The following GMDS variants were observed in gnomAD, a reference collection of about 807,000 sequenced individuals.
GMDS encodes the protein GDP-mannose 4,6-dehydratase, also known as GDP-mannose 4,6 dehydratase.
In GMDS, 20 loss-of-function variants were observed where a neutral mutation model predicts 49.9. That is an observed-to-expected ratio of 0.40 (90% CI 0.28 to 0.58). The LOEUF (loss-of-function observed/expected upper bound fraction) is 0.58. Among genes scored for constraint, GMDS ranks in the 20% least tolerant of loss-of-function variants. GMDS has a pLI of 0.42. For missense variants in GMDS, 362 were observed against 481.4 expected (o/e 0.75, Z 2.32); for synonymous variants, 177 against 178.6 (o/e 0.99, Z 0.07).
At chr6:2,087,167 G>T (rs1773062422) in intron 4 of GMDS, among the ~76,000 whole-genome samples, 1 of 152,146 alleles carries the variant, frequency 6.6e-6, no homozygotes, top group Non-Finnish European at 1.5e-5. Flanking sequence ...TTGCTTTGGG[G>T]ATCCTCAGAA....
At chr6:1,738,608 A>G (rs1275144047) in intron 8 of GMDS, among the ~76,000 whole-genome samples, 3 of 152,232 alleles carry the variant, frequency 2.0e-5, no homozygotes. Context: ...GGTGTGTCTG[A>G]TACGGTACAG....
At chr6:2,015,495 G>T (rs1416336828) in intron 4 of GMDS, among the ~76,000 whole-genome samples, 1 of 152,096 alleles carries the variant, frequency 6.6e-6, no homozygotes, top group Non-Finnish European at 1.5e-5. Context: ...AATGTGTGGG[G>T]TGCAGGAAAA....
intron 4 of GMDS, among the ~76,000 whole-genome samples, chr6:2,037,517 G>A (rs1488806662): frequency 3.9e-5 from 6 of 152,116 alleles, no homozygotes; most frequent in Non-Finnish European, 5.9e-5. Context: ...AGAAAACTCT[G>A]GTTTGGTAAG....
intron 6 of GMDS, among the ~76,000 whole-genome samples, chr6:1,936,886 G>A (rs528241520): frequency 6.6e-6 from 1 of 150,488 alleles, no homozygotes; most frequent in Admixed American, 6.6e-5. Context: ...AAAATCATTT[G>A]AACCTGGGAG....
At chr6:2,027,174 A>G (rs1231913838) in intron 4 of GMDS, among the ~76,000 whole-genome samples, 1 of 152,170 alleles carries the variant, frequency 6.6e-6, no homozygotes, top group East Asian at 1.9e-4. Context: ...TTATGAAGCG[A>G]GGGAGAATGA....
At chr6:2,026,158 T>C (rs573280965) in intron 4 of GMDS, among the ~76,000 whole-genome samples, 2 of 152,000 alleles carry the variant, frequency 1.3e-5, no homozygotes, top group East Asian at 3.9e-4. Context: ...CAAAGGGAGG[T>C]CAAAGGCCAC....
intron 4 of GMDS, among the ~76,000 whole-genome samples, chr6:2,112,476 C>G (rs113180148): frequency 2.5e-3 from 385 of 152,266 alleles, no homozygotes; most frequent in Admixed American, 5.6e-3. Flanking sequence ...ACAGCATCAT[C>G]TGGACACACC....
At chr6:1,968,985 G>A (rs1303641629) in intron 4 of GMDS, among the ~76,000 whole-genome samples, 1 of 152,048 alleles carries the variant, frequency 6.6e-6, no homozygotes, top group Non-Finnish European at 1.5e-5. Context: ...AAATTGGCCT[G>A]GTGCGGTGGC....
Position 2,124,202 on chromosome 6 carries a change from G to A in GMDS, c.147+485C>T, listed in dbSNP as rs78882166. Among the ~76,000 whole-genome samples the A allele has an allele frequency of 2.3e-4, 35 of 152,194 alleles. No individual in the cohort carries two copies. In the East Asian group the frequency reaches 6.4e-3, roughly 28 times the overall value. ...AATGGTGAAGACAACGACAAAAGCA[G>A]CAAACCTAAAAGTTTCAGCTCCATA... On this transcript the variant is annotated intron_variant, in intron 2 of 10. Transcript: ENST00000380815.
rs1484536475 is a variant in GMDS, at chr6:1,973,415, G to C, written c.346-12449C>G. ...GTTGGCAGAGAGTGATAGCACAGGAGTGAATAAAGGGACTGATTATATGAG... is the reference window on the plus strand; with the variant it reads ...GTTGGCAGAGAGTGATAGCACAGGACTGAATAAAGGGACTGATTATATGAG... On this transcript the variant is annotated intron_variant, in intron 4 of 10. Transcript: ENST00000380815. 7.9e-5 allele frequency among the ~76,000 whole-genome samples: 12 copies of C among 152,310 alleles called. No homozygotes were observed. In the East Asian group the frequency reaches 1.9e-3, roughly 24 times the overall value.
intron 7 of GMDS, among the ~76,000 whole-genome samples, chr6:1,824,412 G>A (rs895025533): frequency 3.9e-5 from 6 of 152,096 alleles, no homozygotes; most frequent in South Asian, 4.2e-4. Flanking sequence ...ATACCGCCGC[G>A]CCCCGCCCCC....
intron 1 of GMDS, among the ~76,000 whole-genome samples, chr6:2,237,646 C>T (rs1470308717): frequency 1.3e-5 from 2 of 151,486 alleles, no homozygotes; most frequent in African/African-American, 4.9e-5. Flanking sequence ...CTCAGCCTCC[C>T]GAGTACTTGA....
intron 4 of GMDS, among the ~76,000 whole-genome samples, chr6:2,078,969 T>C (rs1262408337): frequency 6.7e-6 from 1 of 150,026 alleles, no homozygotes; most frequent in African/African-American, 2.4e-5. Context: ...TTTAGAGCCA[T>C]AATATTCTGT....
intron 7 of GMDS, among the ~76,000 whole-genome samples, chr6:1,786,504 AG>A (rs1769326881): frequency 1.3e-5 from 2 of 152,220 alleles, no homozygotes; most frequent in South Asian, 2.1e-4. Context: ...CATGGGCAGG[AG>A]GGGACCTCAG....
At chr6:2,100,434 T>A (rs1405750473) in intron 4 of GMDS, among the ~76,000 whole-genome samples, 2 of 152,070 alleles carry the variant, frequency 1.3e-5, no homozygotes, top group African/African-American at 4.8e-5. Context: ...TTACAACAAT[T>A]AATATTTTTA....
chr6:2,058,338 CAA>C (rs11390421), intron 4 of GMDS, among the ~76,000 whole-genome samples: 14 of 90,290 alleles, frequency 1.6e-4, no homozygotes, highest in Admixed American at 2.3e-4. Flanking sequence ...GAGTAAGACT[CAA>C]AAAAAAAAAA....
chr6:1,952,512 T>C (rs1325933579), intron 6 of GMDS, among the ~76,000 whole-genome samples: 1 of 151,896 alleles, frequency 6.6e-6, no homozygotes, highest in East Asian at 1.9e-4. Context: ...GGGAGATGAT[T>C]AAAAAAAGTT....
chr6:1,932,125 C>T (rs975961318), intron 6 of GMDS, among the ~76,000 whole-genome samples: 1 of 152,162 alleles, frequency 6.6e-6, no homozygotes, highest in African/African-American at 2.4e-5. Flanking sequence ...CATGAAGGGA[C>T]TCATCAAGCT....
chr6:1,834,266 A>G (rs1756820936), intron 7 of GMDS, among the ~76,000 whole-genome samples: 1 of 152,240 alleles, frequency 6.6e-6, no homozygotes, highest in African/African-American at 2.4e-5. Context: ...TCCATTTAAA[A>G]TGTTCTCAGT....
Sources: gnomAD v4.1 joint callset for allele counts (sites outside exome capture counted in the v4.1 genomes callset) on GRCh38, gnomAD v4.1.1 for gene constraint, MANE v1.5 for transcripts, NCBI Gene and HGNC (gene_info 2026-07-23, HGNC 2026-07-21) for gene names.